The following RALYL variants were observed in gnomAD, a reference collection of about 807,000 sequenced individuals.
RALYL encodes RALY RNA binding protein like, also known as RNA-binding Raly-like protein.
Under a neutral mutation model 35.1 loss-of-function variants are expected in RALYL, and 29 were observed. The observed-to-expected ratio is 0.83, with a 90% CI of 0.61 to 1.13. The LOEUF is 1.13. Among genes scored for constraint, RALYL ranks in the 50% most tolerant of loss-of-function variants. RALYL has a pLI of 0.00. For missense variants in RALYL, 359 were observed against 360.4 expected, an observed-to-expected ratio of 1.00 and a Z score of 0.03; for synonymous variants, 120 against 127.6, an observed-to-expected ratio of 0.94 and a Z score of 0.40.
chr8:84,573,440 A>C (rs922821882), intron 2 of RALYL, among the ~76,000 whole-genome samples: 1 of 151,804 alleles, frequency 6.6e-6, no homozygotes, highest in African/African-American at 2.4e-5. Context: ...GCTCCTATGT[A>C]CAAAATATGT....
intron 1 of RALYL, among the ~76,000 whole-genome samples, chr8:84,497,888 A>G (rs1587792144): frequency 6.6e-6 from 1 of 150,808 alleles, no homozygotes; most frequent in Non-Finnish European, 1.5e-5. Flanking sequence ...TGATCTGCTC[A>G]CCTCAGCCTG....
At chr8:84,327,564 G>A (rs961493692) in intron 1 of RALYL, among the ~76,000 whole-genome samples, 1 of 152,112 alleles carries the variant, frequency 6.6e-6, no homozygotes, top group African/African-American at 2.4e-5. Context: ...ATCACATCCA[G>A]TTGTTTACCT....
intron 3 of RALYL, among the ~76,000 whole-genome samples, chr8:84,801,281 G>T (rs891996749): frequency 5.3e-5 from 8 of 152,028 alleles, no homozygotes; most frequent in African/African-American, 1.9e-4. Context: ...ATCATCTATG[G>T]CTTGGAGGAA....
At chr8:84,591,872 A>G (rs1813380210) in intron 2 of RALYL, among the ~76,000 whole-genome samples, 1 of 152,170 alleles carries the variant, frequency 6.6e-6, no homozygotes, top group South Asian at 2.1e-4. Context: ...AATAATCTGT[A>G]TCTAGAATTG....
chr8:84,697,335 G>A (rs1839345024), intron 2 of RALYL, among the ~76,000 whole-genome samples: 1 of 151,852 alleles, frequency 6.6e-6, no homozygotes, highest in Non-Finnish European at 1.5e-5. Context: ...TCTTCTTAAT[G>A]TCTAGACCAA....
chr8:84,261,178 C>A (rs1832218887), intron 1 of RALYL, among the ~76,000 whole-genome samples: 1 of 151,030 alleles, frequency 6.6e-6, no homozygotes. Context: ...TTTTAAGATT[C>A]CTTTAAAAAT....
rs140153291 is a variant in RALYL at position 84,384,448 on chromosome 8, A to C, written c.-23-144851A>C. On this transcript the variant is annotated intron_variant, in intron 1 of 8. Coordinates refer to ENST00000521268, the MANE Select transcript of RALYL (RefSeq NM_173848.7). ...TCATGTGACTCTATTTTAATCAACG[A>C]CAAATGCATTTTCATGAAAGCATAA... 4.1e-3 allele frequency among the ~76,000 whole-genome samples: 629 copies of C among 151,918 alleles called. 6 individuals are homozygous for C. The highest frequency in any genetic ancestry group is 0.014 in the African/African-American group (593 of 41,516).
In RALYL at chr8:84,222,855, G is replaced by A. The variant is rs16912558; in HGVS notation, c.-24+38431G>A. On this transcript the variant is annotated intron_variant, in intron 1 of 8. Coordinates refer to ENST00000521268, the MANE Select transcript of RALYL (RefSeq NM_173848.7). The stretch of plus-strand genomic sequence containing the variant: ...GTTATGAGATGAGAGTGGTGTGATT[G>A]GTCTTGACAAATATACTCTGTTCAA... 2.2e-3 allele frequency among the ~76,000 whole-genome samples: 338 copies of A among 152,154 alleles called. 3 individuals are homozygous for A. The highest frequency in any genetic ancestry group is 6.8e-3 in the Middle Eastern group (2 of 294).
chr8:84,239,410 G>C (rs1827351178), intron 1 of RALYL, among the ~76,000 whole-genome samples: 1 of 152,148 alleles, frequency 6.6e-6, no homozygotes, highest in African/African-American at 2.4e-5. Context: ...ATATACCTCA[G>C]TTAATAATTT....
intron 2 of RALYL, among the ~76,000 whole-genome samples, chr8:84,662,869 A>T (rs1420589321): frequency 6.6e-6 from 1 of 152,048 alleles, no homozygotes; most frequent in Non-Finnish European, 1.5e-5. Flanking sequence ...CATGTGCAGG[A>T]TATGCAGGTT....
rs545846952 is a variant in RALYL at position 84,238,154 on chromosome 8, AT to A, written c.-24+53731del. Among the ~76,000 whole-genome samples, 552 of 152,290 alleles carry A rather than the reference AT, an allele frequency of 3.6e-3. 1 individual carries two copies. Among genetic ancestry groups the A allele is most frequent in the African/African-American group, 0.013 (533 of 41,586 alleles). ...TAGAATGACCCACACTTTCTCCTTC[AT>A]AAAAATATAATGGTCTATTATCAGA... On this transcript the variant is annotated intron_variant, in intron 1 of 8. Transcript: ENST00000521268.
Position 84,505,245 on chromosome 8 carries a change from A to T in RALYL, c.-23-24054A>T, listed in dbSNP as rs187752621. ...ATCACAGTTTGATCTGGGCTCTGAG[A>T]TTCCAGAAACATTTTCCTTATGTGA... On this transcript the variant is annotated intron_variant, in intron 1 of 8. Coordinates refer to ENST00000521268, the MANE Select transcript of RALYL (RefSeq NM_173848.7). Among the ~76,000 whole-genome samples, 389 of 152,248 alleles carry T rather than the reference A, an allele frequency of 2.6e-3. 1 individual carries two copies. Among genetic ancestry groups the T allele is most frequent in the African/African-American group, 8.9e-3 (370 of 41,558 alleles).
rs536189465 is a variant in RALYL, at chr8:84,191,273, A to T, written c.-24+6849A>T. ...AGGAAGTTTTTCCTGAAACTAGCTA[A>T]ATTGATTTGAAATTTATATTTATAT... is the stretch of plus-strand genomic sequence containing the variant. On this transcript the variant is annotated intron_variant, in intron 1 of 8. Transcript: ENST00000521268. 5.3e-5 allele frequency among the ~76,000 whole-genome samples: 8 copies of T among 152,074 alleles called. No homozygotes were observed. The South Asian group carries it at 1.5e-3, about 28-fold the overall frequency.
chr8:84,470,806 A>G (rs1167723907), intron 1 of RALYL, among the ~76,000 whole-genome samples: 1 of 152,218 alleles, frequency 6.6e-6, no homozygotes, highest in Non-Finnish European at 1.5e-5. Flanking sequence ...CTCTACTCAT[A>G]GTATATAATT....
At chr8:84,709,990 G>A (rs1841899170) in intron 2 of RALYL, among the ~76,000 whole-genome samples, 1 of 152,100 alleles carries the variant, frequency 6.6e-6, no homozygotes, top group African/African-American at 2.4e-5. Flanking sequence ...GAACCCAAGA[G>A]GTGGAGGTTG....
chr8:84,848,953 A>G (rs1278960389), intron 4 of RALYL, among the ~76,000 whole-genome samples: 1 of 152,158 alleles, frequency 6.6e-6, no homozygotes, highest in African/African-American at 2.4e-5. Flanking sequence ...CCACTTGTGA[A>G]ATCAGAAAAC....
At chr8:84,738,275 G>T (rs114296330) in intron 2 of RALYL, among the ~76,000 whole-genome samples, 2,119 of 152,020 alleles carry the variant, frequency 0.014, 55 homozygotes, top group African/African-American at 0.048. Flanking sequence ...TTCCTAGTGG[G>T]AAAGCAGCAA....
chr8:84,806,239 T>G (rs1408772917), intron 4 of RALYL, among the ~76,000 whole-genome samples: 1 of 152,058 alleles, frequency 6.6e-6, no homozygotes, highest in African/African-American at 2.4e-5. Flanking sequence ...AAAGGTCGAG[T>G]TGGTCTGGCC....
chr8:84,667,553 G>T (rs1440917347), intron 2 of RALYL, among the ~76,000 whole-genome samples: 2 of 152,060 alleles, frequency 1.3e-5, no homozygotes, highest in Non-Finnish European at 2.9e-5. Context: ...GTTGGTACTT[G>T]AATATCAGTT....
Sources: gnomAD v4.1 joint callset for allele counts (sites outside exome capture counted in the v4.1 genomes callset) on GRCh38, gnomAD v4.1.1 for gene constraint, MANE v1.5 for transcripts, NCBI Gene and HGNC (gene_info 2026-07-23, HGNC 2026-07-21) for gene names.